NIPBL: variants seen among roughly 807,000 people sequenced by gnomAD.
The protein encoded by NIPBL is nipped-B-like protein.
Under a neutral mutation model 321.8 loss-of-function variants are expected in NIPBL, and 19 were observed. The ratio of observed to expected loss-of-function variants is 0.06; its 90% CI spans 0.04 to 0.09. The LOEUF is 0.09. Ranked by LOEUF, NIPBL falls within the 10% of genes least tolerant of loss-of-function variation. The pLI is 1.00. For synonymous variants in NIPBL, 1,106 were observed against 1,114.1 expected, an observed-to-expected ratio of 0.99 and a Z score of 0.14; for missense variants, 2,210 against 3,327.0, an observed-to-expected ratio of 0.66 and a Z score of 8.26.
Position 36,879,170 on chromosome 5 carries a change from T to C in NIPBL, c.-80+1992T>C, listed in dbSNP as rs184393603. On this transcript the variant is annotated intron_variant, in intron 1 of 46. Transcript: ENST00000282516. ...TTTCAAGGGATAAACATATTTTTAC[T>C]AAAGATAATAGAGGAGTTGTGCTTG... 3.4e-3 allele frequency among the ~76,000 whole-genome samples: 512 copies of C among 152,342 alleles called. 2 individuals carry two copies. Among genetic ancestry groups the C allele is most frequent in the African/African-American group, 0.012 (492 of 41,574 alleles).
rs748916534 is a variant in NIPBL at position 37,044,588 on chromosome 5, A to C, written c.6250-48A>C. The C allele has an allele frequency of 2.1e-5, 33 of 1,576,438 alleles. No individual in the cohort carries two copies. The South Asian group carries it at 3.7e-4, about 17-fold the overall frequency. On this transcript the variant is annotated intron_variant, in intron 35 of 46. Coordinates refer to ENST00000282516, the MANE Select transcript of NIPBL (RefSeq NM_133433.4). The stretch of plus-strand genomic sequence containing the variant: ...ATATTTGTAAAAAGCTAAGTTTTTA[A>C]AATAGTATATTTTTAACTTTTATCT...
chr5:36,937,195 A>G (rs1450580598), intron 1 of NIPBL, among the ~76,000 whole-genome samples: 1 of 152,130 alleles, frequency 6.6e-6, no homozygotes, highest in Non-Finnish European at 1.5e-5. Context: ...AACAATTCTA[A>G]CCTGCCTGAG....
chr5:36,956,616 CTTTTTTTTTTTT>C lies in NIPBL; in HGVS notation c.230+994_230+1005del, dbSNP rs34760816. On this transcript the variant is annotated intron_variant, in intron 3 of 46. Coordinates refer to ENST00000282516, the MANE Select transcript of NIPBL (RefSeq NM_133433.4). ...AAATTCAGCAATATCTAAATCACTTCTTTTTTTTTTTTTTTTTTTTTTTTTTGAGATGGAGTC... is the reference window on the plus strand; with the variant it reads ...AAATTCAGCAATATCTAAATCACTTCTTTTTTTTTTTTTTGAGATGGAGTC... Among the ~76,000 whole-genome samples, 5 of 79,484 alleles carry C rather than the reference CTTTTTTTTTTTT, an allele frequency of 6.3e-5. No homozygotes were observed. The East Asian group carries it at 1.3e-3, about 21-fold the overall frequency. The allele number at this position is 79,484 out of a possible 152,430, so 52.1% of individuals were successfully genotyped here.
chr5:36,991,690 T>C (rs185529469), intron 10 of NIPBL, among the ~76,000 whole-genome samples: 1 of 151,998 alleles, frequency 6.6e-6, no homozygotes, highest in East Asian at 1.9e-4. Context: ...TTCTGTGTTA[T>C]ATGGGTAGGT....
chr5:37,036,484 G>A lies in NIPBL; in HGVS notation c.5968G>A (p.Ala1990Thr), dbSNP rs764022167. 1 of 1,301,410 alleles carries A rather than the reference G, an allele frequency of 7.7e-7. No homozygotes were observed. Among genetic ancestry groups the A allele is most frequent in the South Asian group, 1.5e-5 (1 of 65,634 alleles). 80.6% of individuals were successfully genotyped at this position (1,301,410 alleles called of 1,614,324 possible). A position where few individuals can be genotyped will look rare whatever the true frequency, so the allele number is the denominator to read the frequency against. The change falls in exon 33 of 47, where the codon GCT becomes ACT. Residue 1990 changes from alanine to threonine, a missense_variant. Coordinates refer to ENST00000282516, the MANE Select transcript of NIPBL (RefSeq NM_133433.4). The part of the protein sequence containing the change: ...EHILKYEESL[A>T]DSDNKGVNSG... ...CATTCTTAAATATGAGGAATCTCTA[G>A]CTGGTAAGACATTTTATATATATAT...
intron 1 of NIPBL, chr5:36,885,728 C>T: frequency 1.7e-6 from 1 of 591,434 alleles, no homozygotes; most frequent in Non-Finnish European, 3.2e-6. Flanking sequence ...GGCCATGTGC[C>T]AGTCTGTAGA....
At chr5:36,994,795 A>G (rs927916077) in intron 10 of NIPBL, among the ~76,000 whole-genome samples, 2 of 152,026 alleles carry the variant, frequency 1.3e-5, no homozygotes, top group Admixed American at 1.3e-4. Flanking sequence ...CATAAGAACT[A>G]TTTGTGTATG....
chr5:36,877,199 TCGGCGG>T (rs964914981), intron 1 of NIPBL, 21 bp downstream of exon 1: 48 of 187,734 alleles, frequency 2.6e-4, no homozygotes, highest in Admixed American at 2.0e-3. Context: ...GCTCTTTATT[TCGGCGG>T]CGGCGGCGGC....
chr5:36,973,534 C>G (rs1743113168), intron 8 of NIPBL, among the ~76,000 whole-genome samples: 1 of 151,998 alleles, frequency 6.6e-6, no homozygotes, highest in South Asian at 2.1e-4. Context: ...GTGGCATGAT[C>G]TCGGCTCACT....
chr5:36,892,253 A>G (rs532634206), intron 1 of NIPBL, among the ~76,000 whole-genome samples: 3 of 152,312 alleles, frequency 2.0e-5, no homozygotes, highest in East Asian at 3.9e-4. Context: ...ATCTCACACC[A>G]GTTAGAATGG....
At chr5:36,887,223 T>G (rs1226917045) in intron 1 of NIPBL, among the ~76,000 whole-genome samples, 1 of 152,174 alleles carries the variant, frequency 6.6e-6, no homozygotes, top group Non-Finnish European at 1.5e-5. Flanking sequence ...ATAGACCTAC[T>G]CTCTTTTTCA....
chr5:36,917,095 G>A (rs1263609853), intron 1 of NIPBL, among the ~76,000 whole-genome samples: 7 of 152,190 alleles, frequency 4.6e-5, no homozygotes, highest in Non-Finnish European at 1.0e-4. Context: ...CACAATGACT[G>A]AACTAGTTTA....
At position 36,958,089 on chromosome 5, in the gene NIPBL, T is replaced by C. The variant is rs1259223510; in HGVS notation, c.231-15T>C. ...TCACCATTTTAATTTTTGATACTTA[T>C]TTTCTCAATGCCAGAGAGTTGAAAG... On this transcript the variant is annotated splice_polypyrimidine_tract_variant and intron_variant, in intron 3 of 46. Transcript: ENST00000282516. 6.2e-7 allele frequency: 1 copy of C among 1,613,462 alleles called. No homozygotes were observed. Among genetic ancestry groups the C allele is most frequent in the Non-Finnish European group, 8.5e-7 (1 of 1,179,618 alleles).
chr5:37,015,735 A>G (rs1249734726), intron 22 of NIPBL, among the ~76,000 whole-genome samples: 1 of 152,126 alleles, frequency 6.6e-6, no homozygotes, highest in Non-Finnish European at 1.5e-5. Context: ...CATCTCAAAA[A>G]AATAAAGAAT....
chr5:37,045,893 A>G (rs186001817), intron 37 of NIPBL, among the ~76,000 whole-genome samples: 80 of 152,310 alleles, frequency 5.3e-4, no homozygotes, highest in African/African-American at 1.9e-3. Flanking sequence ...TTTTCAATGA[A>G]GGAAACAATG....
At chr5:36,923,690 G>C (rs1484953512) in intron 1 of NIPBL, among the ~76,000 whole-genome samples, 1 of 152,026 alleles carries the variant, frequency 6.6e-6, no homozygotes, top group Non-Finnish European at 1.5e-5. Flanking sequence ...ACCTGTTTTG[G>C]CTTTCTGTGT....
chr5:37,033,730 A>ATTTTTTTTTTTTT (rs58081432), intron 32 of NIPBL, among the ~76,000 whole-genome samples: 4 of 21,506 alleles, frequency 1.9e-4, no homozygotes, highest in African/African-American at 4.1e-4. Flanking sequence ...ATATATATAT[A>ATTTTTTTTTTTTT]TTTTTTTTTT....
At chr5:37,036,619 T>G (rs371724940) in intron 33 of NIPBL, 132 bp downstream of exon 33, 1 of 314,300 alleles carries the variant, frequency 3.2e-6, no homozygotes, top group Non-Finnish European at 6.0e-6. Flanking sequence ...ATGAAATACA[T>G]TTTTGTTATA....
chr5:36,961,911 C>A (rs1049123061), intron 5 of NIPBL, among the ~76,000 whole-genome samples: 2 of 152,076 alleles, frequency 1.3e-5, no homozygotes, highest in African/African-American at 2.4e-5. Context: ...AAACAAATTA[C>A]CTGTTTTTAA....
Sources: gnomAD v4.1 joint callset for allele counts (sites outside exome capture counted in the v4.1 genomes callset) on GRCh38, gnomAD v4.1.1 for gene constraint, MANE v1.5 for transcripts, NCBI Gene and HGNC (gene_info 2026-07-23, HGNC 2026-07-21) for gene names.